SRM: variants seen among roughly 807,000 people sequenced by gnomAD.
SRM encodes the protein putrescine aminopropyltransferase.
SRM carries 14 observed loss-of-function variants against 39.3 expected under a neutral mutation model. The observed-to-expected ratio is 0.36, with a 90% confidence interval of 0.24 to 0.56. The LOEUF (loss-of-function observed/expected upper bound fraction) is 0.56, where lower values mean the gene tolerates loss of function less well. Among genes scored for constraint, SRM ranks in the 20% least tolerant of loss-of-function variants. The pLI, the probability that SRM is intolerant of heterozygous loss-of-function variation, is 0.86. For synonymous variants in SRM, 195 were observed against 173.1 expected, an observed-to-expected ratio of 1.13 and a Z score of -0.99; for missense variants, 244 against 409.2, an observed-to-expected ratio of 0.60 and a Z score of 3.48.
intron 3 of SRM, 69 bp from the exon 4 acceptor site, chr1:11,056,826 G>C: frequency 6.4e-7 from 1 of 1,571,398 alleles, no homozygotes; most frequent in African/African-American, 1.4e-5. Context: ...CAGCCACGTG[G>C]GACTCTCCAA....
intron 6 of SRM, 104 bp from the exon 7 acceptor site, chr1:11,055,188 G>C (rs1056728764): frequency 1.4e-6 from 2 of 1,427,324 alleles, no homozygotes; most frequent in African/African-American, 2.9e-5. Context: ...CGTCATCTCA[G>C]CTCACTGCAA....
chr1:11,055,403 C>G (rs1416130550), intron 6 of SRM, among the ~76,000 whole-genome samples: 1 of 150,726 alleles, frequency 6.6e-6, no homozygotes, highest in Non-Finnish European at 1.5e-5. Flanking sequence ...GACACCGCAC[C>G]TGGCCTGGGG....
chr1:11,057,831 T>A (rs1638906914), intron 3 of SRM, among the ~76,000 whole-genome samples: 2 of 152,012 alleles, frequency 1.3e-5, no homozygotes, highest in Non-Finnish European at 2.9e-5. Context: ...CAGGCTGGAG[T>A]GCAGTGGCGA....
intron 3 of SRM, among the ~76,000 whole-genome samples, chr1:11,057,148 C>A (rs1329291210): frequency 6.6e-6 from 1 of 152,038 alleles, no homozygotes; most frequent in Non-Finnish European, 1.5e-5. Context: ...TGAGCCACCA[C>A]ACCTGGCCCC....
chr1:11,054,948 C>T lies in SRM; in HGVS notation c.888+14G>A, dbSNP rs762352184. 31 of 1,611,872 alleles carry T rather than the reference C, an allele frequency of 1.9e-5. No homozygotes were observed. The highest frequency in any genetic ancestry group is 4.4e-5 in the South Asian group (4 of 90,992). ...GTCCCTGGGTCCCACCACCCAGCCC[C>T]GCAGGCCACCCACCTTGCGGGCAAA... On this transcript the variant is annotated intron_variant, in intron 7 of 7. Transcript: ENST00000376957. The surrounding 1 kb of genome is among the most constrained non-coding windows in gnomAD (Gnocchi z 4.8).
At position 11,054,779 on chromosome 1, in the gene SRM, G is replaced by A; in HGVS notation, c.*86C>T. 6.6e-7 allele frequency: 1 copy of A among 1,504,362 alleles called. No homozygotes were observed. The highest frequency in any genetic ancestry group is 2.3e-5 in the East Asian group (1 of 43,524). The allele number at this position is 1,504,362 out of a possible 1,614,324, so 93.2% of individuals were successfully genotyped here. On this transcript the variant is annotated 3_prime_UTR_variant, in exon 8 of 8. Transcript: ENST00000376957. This position sits in a 1 kb window ranked among gnomAD's most constrained non-coding sequence, Gnocchi z 4.8. ...GGTTGGTGGGCGAGAGCCAGCAGGA[G>A]GTCCGGCCCGGGGCTGGAGGGGCCG...
chr1:11,054,900 G>T lies in SRM; in HGVS notation c.889-15C>A. 1 of 1,611,508 alleles carries T rather than the reference G, an allele frequency of 6.2e-7. No homozygotes were observed. ...TCATTCAGGGCCTGGAGGGACATGA[G>T]GCCAGTCAGGAGGGCGCTCTGGGTC... is the stretch of plus-strand genomic sequence containing the variant. On this transcript the variant is annotated splice_polypyrimidine_tract_variant and intron_variant, in intron 7 of 7. Transcript: ENST00000376957. The surrounding 1 kb of genome is among the most constrained non-coding windows in gnomAD (Gnocchi z 4.8).
chr1:11,059,375 G>A, intron 1 of SRM, 30 bp from the exon 2 acceptor site: 2 of 1,609,206 alleles, frequency 1.2e-6, no homozygotes, highest in Non-Finnish European at 1.7e-6. Flanking sequence ...CGGGGACCTG[G>A]GTTCTCTGGG....
chr1:11,055,114 G>A, intron 6 of SRM, 30 bp from the exon 7 acceptor site: 1 of 1,554,684 alleles, frequency 6.4e-7, no homozygotes, highest in Non-Finnish European at 8.6e-7. Context: ...CACATCAGGG[G>A]GGGCACTTTT....
rs745582057 is a variant in SRM at position 11,059,898 on chromosome 1, T to TGGCGGCGGGGCCGGA, written c.31_45dup (p.Ser11_Ala15dup). 31 of 1,430,184 alleles carry TGGCGGCGGGGCCGGA rather than the reference T, an allele frequency of 2.2e-5. No individual in the cohort carries two copies. The highest frequency in any genetic ancestry group is 1.5e-4 in the African/African-American group (10 of 67,646). The allele number at this position is 1,430,184 out of a possible 1,614,324, so 88.6% of individuals were successfully genotyped here. On this transcript the variant is annotated inframe_insertion, in exon 1 of 8. Coordinates refer to ENST00000376957, the MANE Select transcript of SRM (RefSeq NM_003132.3). ...GTCTCGCGGAACCAGCCCTCGCGGA[T>TGGCGGCGGGGCCGGA]GGCGGCGGGGCCGGAGGCGGCGGGG... is the stretch of plus-strand genomic sequence containing the variant.
In SRM at chr1:11,055,817, G is replaced by A. The variant is rs751352387; in HGVS notation, c.729C>T (p.Ser243=). 23 of 1,480,202 alleles carry A rather than the reference G, an allele frequency of 1.6e-5. No individual in the cohort carries two copies. Among genetic ancestry groups the A allele is most frequent in the South Asian group, 1.0e-4 (9 of 88,838 alleles). The allele number at this position is 1,480,202 out of a possible 1,614,324, so 91.7% of individuals were successfully genotyped here. A position where few individuals can be genotyped will look rare whatever the true frequency, so the allele number is the denominator to read the frequency against. ...TGCACAGCATGAAGCCGATCTGGCC[G>A]CTGGGGTAGGTGGGGATGGTGCAGT... ...YAYCTIPTYP[S]GQIGFMLCSK... Residue 243 remains serine, a synonymous_variant, in exon 6 of 8, where the codon AGC becomes AGT. Transcript: ENST00000376957.
chr1:11,054,916 G>T lies in SRM; in HGVS notation c.889-31C>A. 6.2e-7 allele frequency: 1 copy of T among 1,611,748 alleles called. No homozygotes were observed. Among genetic ancestry groups the T allele is most frequent in the Non-Finnish European group, 8.5e-7 (1 of 1,179,770 alleles). Reference sequence around the variant, plus strand: ...GGGACATGAGGCCAGTCAGGAGGGCGCTCTGGGTCCCTGGGTCCCACCACC... The same window carrying T: ...GGGACATGAGGCCAGTCAGGAGGGCTCTCTGGGTCCCTGGGTCCCACCACC... On this transcript the variant is annotated intron_variant, in intron 7 of 7. Coordinates refer to ENST00000376957, the MANE Select transcript of SRM (RefSeq NM_003132.3). The surrounding 1 kb of genome is among the most constrained non-coding windows in gnomAD (Gnocchi z 4.8).
At chr1:11,056,182 C>T in intron 4 of SRM, 88 bp from the exon 5 acceptor site, 1 of 1,275,060 alleles carries the variant, frequency 7.8e-7, no homozygotes, top group Non-Finnish European at 1.1e-6. Context: ...GTGGCCAGAG[C>T]CAGGATCTGA....
intron 1 of SRM, 84 bp downstream of exon 1, chr1:11,059,693 C>T (rs1043487430): frequency 1.4e-6 from 2 of 1,439,570 alleles, no homozygotes; most frequent in African/African-American, 1.5e-5. Context: ...CCGCTTGGGT[C>T]CCGGCGTGGA....
At chr1:11,056,211 T>TTCAGGTGTGGATCCC in intron 4 of SRM, 117 bp from the exon 5 acceptor site, 2 of 929,818 alleles carry the variant, frequency 2.2e-6, no homozygotes, top group Non-Finnish European at 3.2e-6. Flanking sequence ...CTGTGGGGGA[T>TTCAGGTGTGGATCCC]CCACACCTGA....
At chr1:11,058,978 C>T (rs1440873551) in intron 2 of SRM, 86 bp from the exon 3 acceptor site, 42 of 1,346,668 alleles carry the variant, frequency 3.1e-5, no homozygotes, top group Non-Finnish European at 3.8e-5. Flanking sequence ...ACCCCTCGGA[C>T]CCACGGGCCT....
intron 4 of SRM, 68 bp downstream of exon 4, chr1:11,056,536 A>G (rs1161025288): frequency 6.3e-7 from 1 of 1,592,682 alleles, no homozygotes; most frequent in African/African-American, 1.3e-5. Context: ...TTTACTCTGA[A>G]GGCCTGGGGG....
intron 6 of SRM, 37 bp downstream of exon 6, chr1:11,055,744 T>TCCCCCCCAACCCCCC: frequency 7.5e-7 from 1 of 1,336,816 alleles, no homozygotes; most frequent in Non-Finnish European, 1.0e-6. Context: ...ATGCCCACCT[T>TCCCCCCCAACCCCCC]CCCCCCAACC....
At chr1:11,059,472 C>G (rs775784677) in intron 1 of SRM, 127 bp from the exon 2 acceptor site, 10 of 1,490,780 alleles carry the variant, frequency 6.7e-6, no homozygotes, top group Non-Finnish European at 9.0e-6. Flanking sequence ...GCGATGGTGA[C>G]ACGTGGCGAG....
Sources: gnomAD v4.1 joint callset for allele counts (sites outside exome capture counted in the v4.1 genomes callset) on GRCh38, gnomAD v4.1.1 for gene constraint, Gnocchi (gnomAD v3.1) non-coding constraint, MANE v1.5 for transcripts, NCBI Gene and HGNC (gene_info 2026-07-23, HGNC 2026-07-21) for gene names.